The following RBPMS2 variants were observed in gnomAD, a reference collection of about 807,000 sequenced individuals.
RBPMS2 encodes the protein RNA binding protein, mRNA processing factor 2.
Under a neutral mutation model 25.7 loss-of-function variants are expected in RBPMS2, and 14 were observed. The ratio of observed to expected loss-of-function variants is 0.55; its 90% CI spans 0.36 to 0.85. RBPMS2 has a LOEUF of 0.85. RBPMS2 is among the 40% of genes least tolerant of loss of function. The pLI is 0.01. For synonymous variants in RBPMS2, 127 were observed against 115.6 expected, an observed-to-expected ratio of 1.10 and a Z score of -0.63; for missense variants, 252 against 283.4, an observed-to-expected ratio of 0.89 and a Z score of 0.80.
intron 1 of RBPMS2, among the ~76,000 whole-genome samples, chr15:64,774,565 T>C (rs573606462): frequency 1.2e-3 from 178 of 152,214 alleles, no homozygotes; most frequent in African/African-American, 4.1e-3. Flanking sequence ...TTTGGGGTCC[T>C]GGCTTGGTTG....
intron 1 of RBPMS2, among the ~76,000 whole-genome samples, chr15:64,769,306 T>A (rs1165991110): frequency 1.4e-5 from 2 of 142,768 alleles, no homozygotes; most frequent in Non-Finnish European, 3.0e-5. Context: ...ATGCCTATAA[T>A]CCCCCTACTT....
intron 5 of RBPMS2, 86 bp from the exon 6 acceptor site, chr15:64,748,653 C>T (rs545833473): frequency 1.4e-5 from 21 of 1,463,146 alleles, no homozygotes; most frequent in Non-Finnish European, 9.1e-7. Context: ...ATGGTTGAGC[C>T]ATATGCCCCA....
chr15:64,761,416 G>A (rs149696114), intron 1 of RBPMS2, among the ~76,000 whole-genome samples: 56 of 152,322 alleles, frequency 3.7e-4, no homozygotes, highest in Non-Finnish European at 6.0e-4. Context: ...CGCAGTTACC[G>A]AGCATGTCAG....
chr15:64,746,876 C>G (rs948745444), intron 6 of RBPMS2, among the ~76,000 whole-genome samples: 1 of 152,178 alleles, frequency 6.6e-6, no homozygotes, highest in African/African-American at 2.4e-5. Flanking sequence ...AGGTGAGAAG[C>G]CCAGTGAGGT....
intron 1 of RBPMS2, among the ~76,000 whole-genome samples, chr15:64,755,058 A>G (rs1426006783): frequency 6.6e-6 from 1 of 152,026 alleles, no homozygotes; most frequent in African/African-American, 2.4e-5. Flanking sequence ...CCCTCCCTCA[A>G]ATGGCTCCTT....
chr15:64,748,425 G>A lies in RBPMS2; in HGVS notation c.561C>T (p.His187=), dbSNP rs757173738. 108 of 1,613,794 alleles carry A rather than the reference G, an allele frequency of 6.7e-5. No individual in the cohort carries two copies. The highest frequency in any genetic ancestry group is 7.8e-5 in the Non-Finnish European group (92 of 1,179,964). The change falls in exon 6 of 8, where the codon CAC becomes CAT. Residue 187 remains histidine (H), a synonymous_variant. Coordinates refer to ENST00000300069, the MANE Select transcript of RBPMS2 (RefSeq NM_194272.3). ...CCAACCTTAAAGGGCTTACCTGAGC[G>A]TGGAGGGCGGCGGCAGCGGCAGTGG... ...PTATAAAAAL[H]AQVRWYPSSD... is the part of the protein sequence containing the mutation.
intron 1 of RBPMS2, chr15:64,762,306 C>G: frequency 2.0e-6 from 1 of 504,346 alleles, no homozygotes; most frequent in Admixed American, 2.1e-5. Context: ...GTCAACTCCC[C>G]ACAGCTGAGT....
intron 6 of RBPMS2, among the ~76,000 whole-genome samples, chr15:64,747,568 T>C (rs2083629707): frequency 6.6e-6 from 1 of 152,192 alleles, no homozygotes; most frequent in Non-Finnish European, 1.5e-5. Flanking sequence ...TTCCTGTGGC[T>C]GCCTGGCTGC....
chr15:64,775,396 C>T lies in RBPMS2; in HGVS notation c.-77G>A. 6 of 792,094 alleles carry T rather than the reference C, an allele frequency of 7.6e-6. No individual in the cohort carries two copies. The highest frequency in any genetic ancestry group is 1.0e-5 in the Non-Finnish European group (6 of 600,814). 49.1% of individuals were successfully genotyped at this position (792,094 alleles called of 1,614,324 possible). A position where few individuals can be genotyped will look rare whatever the true frequency, so the allele number is the denominator to read the frequency against. ...GCCCCGCGGGAAGTGGGAAGGGGCG[C>T]GGGGAGCGGTGCGCTCGCGGGTGCG... On this transcript the variant is annotated 5_prime_UTR_variant, in exon 1 of 8. Coordinates refer to ENST00000300069, the MANE Select transcript of RBPMS2 (RefSeq NM_194272.3).
intron 1 of RBPMS2, among the ~76,000 whole-genome samples, chr15:64,768,575 T>C (rs138666090): frequency 1.2e-3 from 176 of 151,740 alleles, no homozygotes; most frequent in Middle Eastern, 3.4e-3. Context: ...GAGGCAGAGA[T>C]TGCAGTGAGC....
At chr15:64,771,489 C>T (rs1346606259) in intron 1 of RBPMS2, among the ~76,000 whole-genome samples, 1 of 152,188 alleles carries the variant, frequency 6.6e-6, no homozygotes, top group Non-Finnish European at 1.5e-5. Flanking sequence ...TCAAGACCAG[C>T]CTGGCCAACA....
intron 2 of RBPMS2, among the ~76,000 whole-genome samples, chr15:64,750,901 G>A (rs2083671573): frequency 6.6e-6 from 1 of 151,402 alleles, no homozygotes; most frequent in African/African-American, 2.4e-5. Flanking sequence ...AGCCAGGCAT[G>A]GTGGAGGGTG....
At chr15:64,758,165 C>G (rs1267228828) in intron 1 of RBPMS2, among the ~76,000 whole-genome samples, 5 of 152,206 alleles carry the variant, frequency 3.3e-5, no homozygotes, top group African/African-American at 1.2e-4. Context: ...GGGTGGTTCT[C>G]ACAATCTCAG....
At chr15:64,768,869 G>A (rs2083869897) in intron 1 of RBPMS2, among the ~76,000 whole-genome samples, 1 of 151,418 alleles carries the variant, frequency 6.6e-6, no homozygotes, top group African/African-American at 2.4e-5. Context: ...GGGAGGCCAA[G>A]GTGGGTGGAT....
intron 1 of RBPMS2, among the ~76,000 whole-genome samples, chr15:64,757,760 A>G (rs955479165): frequency 1.3e-5 from 2 of 152,124 alleles, no homozygotes; most frequent in Non-Finnish European, 2.9e-5. Flanking sequence ...CAGGGGAAAC[A>G]TTCAGGAACA....
At chr15:64,750,415 C>T in intron 2 of RBPMS2, 34 bp from the exon 3 acceptor site, 1 of 1,602,424 alleles carries the variant, frequency 6.2e-7, no homozygotes, top group Non-Finnish European at 8.6e-7. Context: ...CGTGGAAGGT[C>T]AGAAGCGTAT....
rs1460418388 is a variant in RBPMS2 at position 64,775,455 on chromosome 15, AG to A, written c.-137del. 7.2e-6 allele frequency: 1 copy of A among 139,844 alleles called. No individual in the cohort carries two copies. The highest frequency in any genetic ancestry group is 1.3e-5 in the Non-Finnish European group (1 of 77,562). 8.7% of individuals were successfully genotyped at this position (139,844 alleles called of 1,614,324 possible). A position where few individuals can be genotyped will look rare whatever the true frequency, so the allele number is the denominator to read the frequency against. ...GGCGGGGGACCCACGGGGCAGTGAGAGGGGCAGCCTCCGCGTCGGGCCAGGG... is the reference window on the plus strand; with the variant it reads ...GGCGGGGGACCCACGGGGCAGTGAGAGGGCAGCCTCCGCGTCGGGCCAGGG... On this transcript the variant is annotated 5_prime_UTR_variant, in exon 1 of 8. Transcript: ENST00000300069.
chr15:64,765,989 C>A (rs1407144628), intron 1 of RBPMS2, among the ~76,000 whole-genome samples: 1 of 144,698 alleles, frequency 6.9e-6, no homozygotes, highest in South Asian at 2.2e-4. Flanking sequence ...GAGACTGTCT[C>A]AAAAAAAAAA....
chr15:64,756,939 A>G (rs1478489294), intron 1 of RBPMS2, among the ~76,000 whole-genome samples: 24 of 144,208 alleles, frequency 1.7e-4, no homozygotes, highest in Non-Finnish European at 7.5e-5. Flanking sequence ...AAGTACTGGC[A>G]TTATAAGTGC....
Sources: allele counts gnomAD v4.1 joint callset (sites outside exome capture counted in the v4.1 genomes callset), GRCh38; gene constraint gnomAD v4.1.1; transcripts MANE v1.5; gene names NCBI Gene and HGNC (gene_info 2026-07-23, HGNC 2026-07-21).